The following MAN1C1 variants were observed in gnomAD, a reference collection of about 807,000 sequenced individuals.
MAN1C1 encodes mannosidase alpha class 1C member 1.
A neutral mutation model predicts 71.5 loss-of-function variants in MAN1C1; 49 were observed. The observed-to-expected ratio is 0.69, with a 90% CI of 0.54 to 0.87. The LOEUF is 0.87. Among genes scored for constraint, MAN1C1 ranks in the 40% least tolerant of loss-of-function variants. The pLI is 0.00. For missense variants in MAN1C1, 743 were observed against 835.0 expected, an observed-to-expected ratio of 0.89 and a Z score of 1.36; for synonymous variants, 352 against 343.7, an observed-to-expected ratio of 1.02 and a Z score of -0.27.
chr1:25,617,264 C>G lies in MAN1C1; in HGVS notation c.-534C>G, dbSNP rs1004632680. ...CGACCGGGCCGGGTGTGCGCGCGCT[C>G]GGGGCGGCGCTGACACGCCAGCCCC... is the stretch of plus-strand genomic sequence containing the variant. On this transcript the variant is annotated 5_prime_UTR_variant, in exon 1 of 12. Transcript: ENST00000374332. This position sits in a 1 kb window ranked among gnomAD's most constrained non-coding sequence, Gnocchi z 5.1. 2.6e-5 allele frequency among the ~76,000 whole-genome samples: 4 copies of G among 151,752 alleles called. No homozygotes were observed. In the East Asian group the frequency reaches 7.8e-4, roughly 30 times the overall value.
chr1:25,724,269 C>T (rs946338544), intron 2 of MAN1C1, among the ~76,000 whole-genome samples: 11 of 152,052 alleles, frequency 7.2e-5, no homozygotes, highest in Admixed American at 2.0e-4. Context: ...TCTTGTGATC[C>T]GCCCACCTGG....
intron 2 of MAN1C1, among the ~76,000 whole-genome samples, chr1:25,719,408 T>G (rs1406210775): frequency 4.7e-5 from 6 of 128,298 alleles, no homozygotes; most frequent in African/African-American, 2.2e-4. Context: ...TATTTATTTA[T>G]TTATTTATTT....
At chr1:25,619,195 G>C (rs1031761805) in intron 1 of MAN1C1, among the ~76,000 whole-genome samples, 2 of 152,206 alleles carry the variant, frequency 1.3e-5, no homozygotes, top group Non-Finnish European at 2.9e-5. Context: ...AGAACTGCCT[G>C]CGTGCGGATG....
At chr1:25,667,575 C>T (rs936362314) in intron 1 of MAN1C1, among the ~76,000 whole-genome samples, 11 of 151,594 alleles carry the variant, frequency 7.3e-5, no homozygotes, top group Non-Finnish European at 1.2e-4. Context: ...TAGTTCATCA[C>T]GATTACAGCC....
At chr1:25,774,060 G>A (rs1341312326) in intron 8 of MAN1C1, among the ~76,000 whole-genome samples, 1 of 152,150 alleles carries the variant, frequency 6.6e-6, no homozygotes, top group Non-Finnish European at 1.5e-5. Flanking sequence ...ACCCCTGCCT[G>A]CACCTTAGGA....
intron 1 of MAN1C1, among the ~76,000 whole-genome samples, chr1:25,642,472 G>A (rs1161390746): frequency 6.6e-6 from 1 of 152,194 alleles, no homozygotes; most frequent in Non-Finnish European, 1.5e-5. Flanking sequence ...AATCTATCCA[G>A]GCCACCTCTG....
chr1:25,655,401 T>C (rs144812941), intron 1 of MAN1C1, among the ~76,000 whole-genome samples: 3 of 152,346 alleles, frequency 2.0e-5, no homozygotes, highest in Non-Finnish European at 4.4e-5. Flanking sequence ...CCCTCTTGCC[T>C]CTGTGATTGT....
intron 3 of MAN1C1, among the ~76,000 whole-genome samples, chr1:25,747,759 C>G (rs1233817358): frequency 1.3e-5 from 2 of 152,180 alleles, no homozygotes; most frequent in African/African-American, 2.4e-5. Context: ...TTGGAAAAGT[C>G]ATTGACCCTC....
intron 2 of MAN1C1, among the ~76,000 whole-genome samples, chr1:25,729,082 C>T (rs540725082): frequency 1.1e-4 from 16 of 152,366 alleles, no homozygotes; most frequent in African/African-American, 3.8e-4. Flanking sequence ...TGAGACACCC[C>T]TCTGTGGCTC....
At position 25,753,390 on chromosome 1, in the gene MAN1C1, G is replaced by T; in HGVS notation, c.835-94G>T. The T allele has an allele frequency of 2.3e-6, 2 of 887,302 alleles. No homozygotes were observed. Among genetic ancestry groups the T allele is most frequent in the East Asian group, 5.5e-5 (2 of 36,646 alleles). 55.0% of individuals were successfully genotyped at this position (887,302 alleles called of 1,614,324 possible). A position where few individuals can be genotyped will look rare whatever the true frequency, so the allele number is the denominator to read the frequency against. On this transcript the variant is annotated intron_variant, in intron 4 of 11. Coordinates refer to ENST00000374332, the MANE Select transcript of MAN1C1 (RefSeq NM_020379.4). This position sits in a 1 kb window ranked among gnomAD's most constrained non-coding sequence, Gnocchi z 4.9. The stretch of plus-strand genomic sequence containing the variant: ...CACTGCCCCCTACTCTAGACCTGCA[G>T]CCCTGGGGGGTTCATCCTGCCTGCA...
Position 25,617,102 on chromosome 1 carries a change from G to A in MAN1C1, c.-696G>A, listed in dbSNP as rs912593378. Among the ~76,000 whole-genome samples, 6 of 151,924 alleles carry A rather than the reference G, an allele frequency of 3.9e-5. No individual in the cohort carries two copies. The highest frequency in any genetic ancestry group is 1.4e-4 in the African/African-American group (6 of 41,396). On this transcript the variant is annotated 5_prime_UTR_variant, in exon 1 of 12. Transcript: ENST00000374332. The surrounding 1 kb of genome is among the most constrained non-coding windows in gnomAD (Gnocchi z 5.1). ...GCATCCCTGCGCTGTCTGGGGCCCG[G>A]GGGAAGCCCCCTGCCCCCGCAGGCT...
intron 1 of MAN1C1, among the ~76,000 whole-genome samples, chr1:25,639,787 T>C (rs964875567): frequency 1.3e-5 from 2 of 152,182 alleles, no homozygotes; most frequent in African/African-American, 4.8e-5. Flanking sequence ...TATAATTTTG[T>C]GTTGAAACTA....
chr1:25,679,948 AAAAT>A (rs1323405280), intron 1 of MAN1C1, among the ~76,000 whole-genome samples: 15 of 118,678 alleles, frequency 1.3e-4, no homozygotes, highest in Admixed American at 3.9e-4. Context: ...AAAAAAAAAA[AAAAT>A]ATATATATAT....
chr1:25,653,939 C>T (rs1008280132), intron 1 of MAN1C1, among the ~76,000 whole-genome samples: 7 of 152,110 alleles, frequency 4.6e-5, no homozygotes, highest in Admixed American at 2.6e-4. Context: ...ATGGGCATCT[C>T]GTGGATAGGG....
At chr1:25,697,122 A>G (rs1362864301) in intron 2 of MAN1C1, among the ~76,000 whole-genome samples, 1 of 151,632 alleles carries the variant, frequency 6.6e-6, no homozygotes, top group Non-Finnish European at 1.5e-5. Flanking sequence ...TTTTATTTTC[A>G]GGATTTGGTT....
intron 2 of MAN1C1, among the ~76,000 whole-genome samples, chr1:25,733,777 G>GTTTA (rs1041857909): frequency 4.6e-5 from 7 of 151,756 alleles, no homozygotes; most frequent in Non-Finnish European, 8.8e-5. Flanking sequence ...TTTTTATTTT[G>GTTTA]TTTATTTATT....
At chr1:25,639,110 C>T (rs905104963) in intron 1 of MAN1C1, among the ~76,000 whole-genome samples, 7 of 151,986 alleles carry the variant, frequency 4.6e-5, no homozygotes, top group African/African-American at 1.4e-4. Flanking sequence ...GTTCACTGAA[C>T]GCTTCTGTAA....
intron 2 of MAN1C1, among the ~76,000 whole-genome samples, chr1:25,733,460 G>A (rs1234917655): frequency 2.0e-5 from 3 of 151,838 alleles, no homozygotes; most frequent in Non-Finnish European, 4.4e-5. Flanking sequence ...CATTCTGCCC[G>A]CCGTGCCCTT....
chr1:25,636,172 G>T (rs894436599), intron 1 of MAN1C1, among the ~76,000 whole-genome samples: 2 of 152,196 alleles, frequency 1.3e-5, no homozygotes, highest in African/African-American at 4.8e-5. Flanking sequence ...CTACTGATAA[G>T]GGTTTATGTT....
Sources: allele counts gnomAD v4.1 joint callset (sites outside exome capture counted in the v4.1 genomes callset), GRCh38; gene constraint gnomAD v4.1.1; non-coding constraint Gnocchi (gnomAD v3.1); transcripts MANE v1.5; gene names NCBI Gene and HGNC (gene_info 2026-07-23, HGNC 2026-07-21).